Variants in SCAI observed in about 807,000 individuals in gnomAD.
SCAI encodes protein SCAI.
Under a neutral mutation model 92.2 loss-of-function variants are expected in SCAI, and 24 were observed. That is an observed-to-expected ratio of 0.26 (90% CI 0.19 to 0.37). The LOEUF (loss-of-function observed/expected upper bound fraction) is 0.37, where lower values mean the gene tolerates loss of function less well. Among genes scored for constraint, SCAI ranks in the 10% least tolerant of loss-of-function variants. The probability of loss-of-function intolerance (pLI) is 1.00; values close to 1 mark genes in which losing one functional copy is unlikely to be tolerated. For synonymous variants in SCAI, 261 were observed against 258.6 expected, an observed-to-expected ratio of 1.01 and a Z score of -0.09; for missense variants, 450 against 736.2, an observed-to-expected ratio of 0.61 and a Z score of 4.50.
At chr9:124,989,287 A>G (rs1832064443) in intron 14 of SCAI, among the ~76,000 whole-genome samples, 1 of 152,220 alleles carries the variant, frequency 6.6e-6, no homozygotes, top group Admixed American at 6.5e-5. Context: ...CATGCTTCTT[A>G]AGAAATATTG....
At chr9:125,101,988 G>A (rs1042137363) in intron 2 of SCAI, among the ~76,000 whole-genome samples, 3 of 152,166 alleles carry the variant, frequency 2.0e-5, no homozygotes, top group African/African-American at 7.2e-5. Flanking sequence ...GCACATACTG[G>A]TCTAGGGCAA....
chr9:125,012,675 A>T (rs374871909), intron 9 of SCAI, among the ~76,000 whole-genome samples: 20 of 152,274 alleles, frequency 1.3e-4, no homozygotes, highest in African/African-American at 4.6e-4. Flanking sequence ...TGCACCAAGC[A>T]GACCTAATAG....
chr9:125,125,800 C>T (rs1408286246), intron 2 of SCAI, among the ~76,000 whole-genome samples: 1 of 147,182 alleles, frequency 6.8e-6, no homozygotes, highest in Admixed American at 6.9e-5. Context: ...CACTACACTC[C>T]AGCCTGGGCG....
chr9:124,957,238 C>A (rs1831331373), intron 17 of SCAI, among the ~76,000 whole-genome samples: 1 of 152,162 alleles, frequency 6.6e-6, no homozygotes. Context: ...AGTGATCTGC[C>A]TGCCTCAGCT....
rs1309271415 is a variant in SCAI at position 124,944,080 on chromosome 9, G to A, written c.*8727C>T. On this transcript the variant is annotated 3_prime_UTR_variant, in exon 18 of 18. Coordinates refer to ENST00000336505, the MANE Select transcript of SCAI (RefSeq NM_001144877.3). ...CTGGAAGAATCATCCAAAATCTAAA[G>A]GTTTCTCTGATTGTTGAACAGCAAG... 6.6e-6 allele frequency: 1 copy of A among 152,078 alleles called. No homozygotes were observed. The highest frequency in any genetic ancestry group is 2.4e-5 in the African/African-American group (1 of 41,406). The allele number at this position is 152,078 out of a possible 1,614,324, so 9.4% of individuals were successfully genotyped here.
chr9:125,075,700 G>A (rs1367727811), intron 2 of SCAI, among the ~76,000 whole-genome samples: 1 of 152,032 alleles, frequency 6.6e-6, no homozygotes, highest in East Asian at 1.9e-4. Context: ...CAAGTAGCTG[G>A]GATTACAGGC....
chr9:125,050,815 C>T (rs1289444561), intron 3 of SCAI, among the ~76,000 whole-genome samples: 1 of 152,106 alleles, frequency 6.6e-6, no homozygotes, highest in African/African-American at 2.4e-5. Context: ...AGTGATTCTC[C>T]TGCCTTCGCC....
chr9:125,101,537 A>T (rs1007971671), intron 2 of SCAI, among the ~76,000 whole-genome samples: 2 of 152,200 alleles, frequency 1.3e-5, no homozygotes, highest in African/African-American at 4.8e-5. Context: ...ACCTCCAGAC[A>T]TGTCTGGGAG....
chr9:125,081,854 C>T (rs1344461101), intron 2 of SCAI, among the ~76,000 whole-genome samples: 1 of 152,120 alleles, frequency 6.6e-6, no homozygotes, highest in East Asian at 1.9e-4. Context: ...CAGACATGAG[C>T]CACCATGCCT....
At chr9:124,984,257 C>T (rs1831943292) in intron 14 of SCAI, among the ~76,000 whole-genome samples, 1 of 151,682 alleles carries the variant, frequency 6.6e-6, no homozygotes, top group South Asian at 2.1e-4. Context: ...AATCAGGGGC[C>T]AGGGAAGAGA....
At chr9:125,130,191 G>A (rs544364225) in intron 2 of SCAI, among the ~76,000 whole-genome samples, 1 of 152,122 alleles carries the variant, frequency 6.6e-6, no homozygotes, top group African/African-American at 2.4e-5. Context: ...GAGCCACCAC[G>A]TCCAGCCAAA....
At chr9:125,004,775 ATATATTTTTTTTTTTTT>A (rs1217596813) in intron 9 of SCAI, among the ~76,000 whole-genome samples, 1 of 10,864 alleles carries the variant, frequency 9.2e-5, no homozygotes, top group Non-Finnish European at 1.6e-4. Flanking sequence ...ATATATATAT[ATATATTTTTTTTTTTTT>A]TTTTTTTTTT....
chr9:125,042,634 T>TAC (rs1554783862), intron 3 of SCAI, among the ~76,000 whole-genome samples: 5,190 of 96,126 alleles, frequency 0.054, 226 homozygotes, highest in African/African-American at 0.12. Context: ...TGTGTGTGTG[T>TAC]ACACACACAC....
At chr9:125,020,974 TTTA>T (rs1832859401) in intron 6 of SCAI, among the ~76,000 whole-genome samples, 1 of 152,182 alleles carries the variant, frequency 6.6e-6, no homozygotes, top group Non-Finnish European at 1.5e-5. Flanking sequence ...TTAACAAGTA[TTTA>T]TTGAGAACTT....
chr9:125,142,908 C>T (rs981133785), intron 1 of SCAI, among the ~76,000 whole-genome samples: 2 of 151,954 alleles, frequency 1.3e-5, no homozygotes, highest in Non-Finnish European at 2.9e-5. Context: ...CCTTCCTGGT[C>T]CCTCACCCCA....
chr9:124,979,409 G>A (rs936071116), intron 14 of SCAI, among the ~76,000 whole-genome samples: 6 of 150,992 alleles, frequency 4.0e-5, no homozygotes, highest in East Asian at 4.0e-4. Context: ...GCATGGTGGC[G>A]TGTGCTTGTA....
intron 2 of SCAI, among the ~76,000 whole-genome samples, chr9:125,093,298 C>T (rs1398632764): frequency 6.6e-6 from 1 of 151,932 alleles, no homozygotes; most frequent in Non-Finnish European, 1.5e-5. Context: ...GAGGGGAAGG[C>T]TGCAGTGAGC....
chr9:125,079,472 T>C (rs1338363987), intron 2 of SCAI, among the ~76,000 whole-genome samples: 1 of 152,218 alleles, frequency 6.6e-6, no homozygotes, highest in Non-Finnish European at 1.5e-5. Flanking sequence ...TTGTACTTCT[T>C]TTAAATCCTG....
At chr9:125,093,502 C>T (rs1468802139) in intron 2 of SCAI, among the ~76,000 whole-genome samples, 1 of 151,952 alleles carries the variant, frequency 6.6e-6, no homozygotes, top group Non-Finnish European at 1.5e-5. Context: ...CTTCTCCACT[C>T]ATTCCATAGG....
Sources: gnomAD v4.1 joint callset for allele counts (sites outside exome capture counted in the v4.1 genomes callset) on GRCh38, gnomAD v4.1.1 for gene constraint, MANE v1.5 for transcripts, NCBI Gene and HGNC (gene_info 2026-07-23, HGNC 2026-07-21) for gene names.